ZBTB43: variants seen among roughly 807,000 people sequenced by gnomAD.
The protein encoded by ZBTB43 is zinc finger and BTB domain containing 43, also known as zinc finger and BTB domain-containing protein 43.
A neutral mutation model predicts 31.1 loss-of-function variants in ZBTB43; 6 were observed. The ratio of observed to expected loss-of-function variants is 0.19; its 90% confidence interval spans 0.11 to 0.38. ZBTB43 has a LOEUF of 0.38. Ranked by LOEUF, ZBTB43 falls within the 10% of genes least tolerant of loss-of-function variation. The pLI is 1.00. For missense variants in ZBTB43, 379 were observed against 602.1 expected (o/e 0.63, Z 3.88); for synonymous variants, 212 against 221.7 (o/e 0.96, Z 0.39).
chr9:126,816,277 C>A (rs762573215), intron 2 of ZBTB43, among the ~76,000 whole-genome samples: 10 of 152,028 alleles, frequency 6.6e-5, no homozygotes, highest in Non-Finnish European at 1.2e-4. Flanking sequence ...TCCACATTAT[C>A]GATTCCATTT....
At position 126,834,060 on chromosome 9, in the gene ZBTB43, T is replaced by C; in HGVS notation, c.*147T>C. On this transcript the variant is annotated 3_prime_UTR_variant, in exon 3 of 3. Coordinates refer to ENST00000373464, the MANE Select transcript of ZBTB43 (RefSeq NM_014007.4). ...ATATTTCTGAAAGACCAGCTCTAAG[T>C]AGGCCAATTAAAAAAATCTAATTCC... 1 of 914,076 alleles carries C rather than the reference T, an allele frequency of 1.1e-6. No individual in the cohort carries two copies. The highest frequency in any genetic ancestry group is 1.6e-6 in the Non-Finnish European group (1 of 641,364). 56.6% of individuals were successfully genotyped at this position (914,076 alleles called of 1,614,324 possible).
rs780632905 is a variant in ZBTB43 at position 126,817,100 on chromosome 9, C to CTTTTTTTTT, written c.-24+8205_-24+8213dup. Among the ~76,000 whole-genome samples the CTTTTTTTTT allele has an allele frequency of 2.0e-4, 11 of 55,360 alleles. 1 individual carries two copies. Among genetic ancestry groups the CTTTTTTTTT allele is most frequent in the African/African-American group, 7.8e-4 (11 of 14,124 alleles). 36.3% of individuals were successfully genotyped at this position (55,360 alleles called of 152,430 possible). On this transcript the variant is annotated intron_variant, in intron 2 of 2. Transcript: ENST00000373464. ...CAACTTGGCCCCATTTCCACTGTAT[C>CTTTTTTTTT]TTTTTTTTTTTTTTTTTTTTTTTTT...
rs564489605 is a variant in ZBTB43, at chr9:126,832,063, G to A, written c.-23-424G>A. The A allele has an allele frequency of 4.4e-4, 71 of 161,294 alleles. 1 individual carries two copies. The South Asian group carries it at 8.2e-3, about 19-fold the overall frequency. 10.0% of individuals were successfully genotyped at this position (161,294 alleles called of 1,614,324 possible). ...TAGCTTGATTACCCAAGAGTTCAAG[G>A]CTGCAGTGAACTATGATTGTGCCAC... is the stretch of plus-strand genomic sequence containing the variant. On this transcript the variant is annotated intron_variant, in intron 2 of 2. Coordinates refer to ENST00000373464, the MANE Select transcript of ZBTB43 (RefSeq NM_014007.4).
At chr9:126,829,456 G>A (rs2032720522) in intron 2 of ZBTB43, among the ~76,000 whole-genome samples, 1 of 152,192 alleles carries the variant, frequency 6.6e-6, no homozygotes, top group East Asian at 1.9e-4. Flanking sequence ...AAGCTATGTG[G>A]CCATTAAACA....
At chr9:126,818,506 A>G (rs2032442880) in intron 2 of ZBTB43, among the ~76,000 whole-genome samples, 1 of 151,980 alleles carries the variant, frequency 6.6e-6, no homozygotes, top group Non-Finnish European at 1.5e-5. Flanking sequence ...CGGCCTCCCA[A>G]AGTGCTAGGG....
At chr9:126,826,454 C>CCT (rs2032639046) in intron 2 of ZBTB43, among the ~76,000 whole-genome samples, 4 of 53,596 alleles carry the variant, frequency 7.5e-5, no homozygotes, top group East Asian at 9.9e-4. Flanking sequence ...GCCCCCCCGC[C>CCT]TTTTTTTTTT....
rs2032827353 is a variant in ZBTB43, at chr9:126,834,003, A to G, written c.*90A>G. ...GCACAGATGATGCGTGCTACTTGCT[A>G]TTATGAGAGAAGCTTAAAAAAAAAA... On this transcript the variant is annotated 3_prime_UTR_variant, in exon 3 of 3. Coordinates refer to ENST00000373464, the MANE Select transcript of ZBTB43 (RefSeq NM_014007.4). 6 of 1,288,944 alleles carry G rather than the reference A, an allele frequency of 4.7e-6. No individual in the cohort carries two copies. In the East Asian group the frequency reaches 1.4e-4, roughly 31 times the overall value. The allele number at this position is 1,288,944 out of a possible 1,614,324, so 79.8% of individuals were successfully genotyped here.
intron 2 of ZBTB43, among the ~76,000 whole-genome samples, chr9:126,826,453 C>CTTT: frequency 1.5e-5 from 1 of 68,436 alleles, no homozygotes; most frequent in African/African-American, 4.4e-5. Flanking sequence ...GGCCCCCCCG[C>CTTT]CTTTTTTTTT....
chr9:126,826,496 T>G (rs2032643275), intron 2 of ZBTB43, among the ~76,000 whole-genome samples: 2 of 112,648 alleles, frequency 1.8e-5, no homozygotes, highest in African/African-American at 3.4e-5. Flanking sequence ...CAGAATCTCG[T>G]ATTGTTTCCC....
chr9:126,816,850 TC>T (rs2032396379), intron 2 of ZBTB43, among the ~76,000 whole-genome samples: 1 of 152,178 alleles, frequency 6.6e-6, no homozygotes, highest in African/African-American at 2.4e-5. Context: ...TTTACCTCCT[TC>T]CTGGGGCTAC....
chr9:126,805,669 C>T (rs1215855901), intron 1 of ZBTB43, among the ~76,000 whole-genome samples: 1 of 152,206 alleles, frequency 6.6e-6, no homozygotes, highest in Non-Finnish European at 1.5e-5. Context: ...TATTTCTCTC[C>T]ACTTTGTCTT....
chr9:126,811,086 G>C (rs2032237531), intron 2 of ZBTB43, among the ~76,000 whole-genome samples: 1 of 151,634 alleles, frequency 6.6e-6, no homozygotes, highest in Non-Finnish European at 1.5e-5. Context: ...GCTGGGCGTG[G>C]TGTCACGCAC....
intron 2 of ZBTB43, among the ~76,000 whole-genome samples, chr9:126,820,925 C>T (rs929937198): frequency 4.1e-5 from 6 of 146,950 alleles, no homozygotes; most frequent in African/African-American, 1.5e-4. Context: ...CACAATCGCA[C>T]CACTGCACTC....
In ZBTB43 at chr9:126,834,036, T is replaced by A; in HGVS notation, c.*123T>A. 1.8e-6 allele frequency: 2 copies of A among 1,130,452 alleles called. No homozygotes were observed. Among genetic ancestry groups the A allele is most frequent in the Non-Finnish European group, 2.4e-6 (2 of 822,620 alleles). 70.0% of individuals were successfully genotyped at this position (1,130,452 alleles called of 1,614,324 possible). On this transcript the variant is annotated 3_prime_UTR_variant, in exon 3 of 3. Coordinates refer to ENST00000373464, the MANE Select transcript of ZBTB43 (RefSeq NM_014007.4). ...AGAAGCTTAAAAAAAAAAAGGAAGA[T>A]ATTTCTGAAAGACCAGCTCTAAGTA...
At chr9:126,825,698 A>C (rs745776004) in intron 2 of ZBTB43, among the ~76,000 whole-genome samples, 4 of 152,136 alleles carry the variant, frequency 2.6e-5, no homozygotes, top group Non-Finnish European at 4.4e-5. Context: ...TAAAGGCTCT[A>C]CTTGTAAATA....
intron 1 of ZBTB43, among the ~76,000 whole-genome samples, chr9:126,806,786 A>C (rs1795661178): frequency 6.6e-6 from 1 of 152,182 alleles, no homozygotes; most frequent in Non-Finnish European, 1.5e-5. Flanking sequence ...TACTCTCTTT[A>C]CAGCAGTGGG....
At position 126,816,413 on chromosome 9, in the gene ZBTB43, C is replaced by G. The variant is rs145571875; in HGVS notation, c.-24+7498C>G. On this transcript the variant is annotated intron_variant, in intron 2 of 2. Coordinates refer to ENST00000373464, the MANE Select transcript of ZBTB43 (RefSeq NM_014007.4). ...TCATTCTACTGTTTTGTCTCATCTT[C>G]CTTATACTTTATTCAGAGACTGTGT... 4.2e-3 allele frequency among the ~76,000 whole-genome samples: 643 copies of G among 152,204 alleles called. 6 individuals are homozygous for G. Among genetic ancestry groups the G allele is most frequent in the African/African-American group, 0.014 (587 of 41,496 alleles).
At chr9:126,813,759 G>A (rs993661078) in intron 2 of ZBTB43, among the ~76,000 whole-genome samples, 4 of 151,790 alleles carry the variant, frequency 2.6e-5, no homozygotes, top group African/African-American at 4.8e-5. Flanking sequence ...GGCTTGTAGG[G>A]TTTTTTTTGT....
Position 126,838,070 on chromosome 9 carries a change from G to T in ZBTB43, c.*4157G>T, listed in dbSNP as rs1177466681. ...TATGTTGCAAAAGTTGAATAGTTTT[G>T]TCTTTATATATTGCTGTCTTCAGTG... is the stretch of plus-strand genomic sequence containing the variant. On this transcript the variant is annotated 3_prime_UTR_variant, in exon 3 of 3. Coordinates refer to ENST00000373464, the MANE Select transcript of ZBTB43 (RefSeq NM_014007.4). 1 of 166,816 alleles carries T rather than the reference G, an allele frequency of 6.0e-6. No homozygotes were observed. The highest frequency in any genetic ancestry group is 1.5e-5 in the Non-Finnish European group (1 of 68,074). 10.3% of individuals were successfully genotyped at this position (166,816 alleles called of 1,614,324 possible).
Sources: gnomAD v4.1 joint callset for allele counts (sites outside exome capture counted in the v4.1 genomes callset) on GRCh38, gnomAD v4.1.1 for gene constraint, MANE v1.5 for transcripts, NCBI Gene and HGNC (gene_info 2026-07-23, HGNC 2026-07-21) for gene names.